The following GPC6 variants were observed in gnomAD, a reference collection of about 807,000 sequenced individuals.
GPC6 encodes glypican-6.
In GPC6, 14 loss-of-function variants were observed where a neutral mutation model predicts 55.2. The ratio of observed to expected loss-of-function variants is 0.25; its 90% confidence interval spans 0.17 to 0.40. The LOEUF (loss-of-function observed/expected upper bound fraction) is 0.40, where lower values mean the gene tolerates loss of function less well. GPC6 is among the 10% of genes least tolerant of loss of function. The pLI, the probability that GPC6 is intolerant of heterozygous loss-of-function variation, is 1.00. For synonymous variants in GPC6, 278 were observed against 259.6 expected (o/e 1.07, Z -0.68); for missense variants, 641 against 708.5 (o/e 0.90, Z 1.08).
chr13:94,007,353 A>C (rs1281870225), intron 3 of GPC6, among the ~76,000 whole-genome samples: 2 of 152,228 alleles, frequency 1.3e-5, no homozygotes, highest in Non-Finnish European at 2.9e-5. Flanking sequence ...TGAAGACAGC[A>C]GGAGGAATCG....
chr13:93,670,705 T>C (rs1176390146), intron 2 of GPC6, among the ~76,000 whole-genome samples: 2 of 152,216 alleles, frequency 1.3e-5, no homozygotes, highest in Non-Finnish European at 2.9e-5. Context: ...TAATAAATGC[T>C]TCAGAAGACT....
intron 1 of GPC6, among the ~76,000 whole-genome samples, chr13:93,446,266 G>A (rs1408054288): frequency 6.6e-6 from 1 of 152,130 alleles, no homozygotes; most frequent in African/African-American, 2.4e-5. Context: ...GCTCAGAGAT[G>A]TGATTAGAAC....
intron 1 of GPC6, among the ~76,000 whole-genome samples, chr13:93,348,050 A>G (rs1880489293): frequency 6.6e-6 from 1 of 152,158 alleles, no homozygotes; most frequent in Non-Finnish European, 1.5e-5. Context: ...ATTTTTCACC[A>G]TGGAACTATT....
At chr13:93,564,688 T>C (rs992823998) in intron 2 of GPC6, among the ~76,000 whole-genome samples, 8 of 152,174 alleles carry the variant, frequency 5.3e-5, no homozygotes, top group African/African-American at 1.4e-4. Context: ...ACTTTTTACC[T>C]TCTATGAAGT....
chr13:93,899,445 G>GA lies in GPC6; in HGVS notation c.711+68913dup, dbSNP rs796917504. Among the ~76,000 whole-genome samples, 831 of 136,930 alleles carry GA rather than the reference G, an allele frequency of 6.1e-3. 5 individuals carry two copies. Among genetic ancestry groups the GA allele is most frequent in the African/African-American group, 0.016 (599 of 37,480 alleles). 89.8% of individuals were successfully genotyped at this position (136,930 alleles called of 152,430 possible). A position where few individuals can be genotyped will look rare whatever the true frequency, so the allele number is the denominator to read the frequency against. On this transcript the variant is annotated intron_variant, in intron 3 of 8. Transcript: ENST00000377047. ...GGTAAGAAGACATAGTTGGATGAAG[G>GA]AAAAAAAAAAAAAGAGGAAATTCCA...
At chr13:93,257,672 G>T (rs1219613821) in intron 1 of GPC6, among the ~76,000 whole-genome samples, 1 of 152,144 alleles carries the variant, frequency 6.6e-6, no homozygotes, top group Non-Finnish European at 1.5e-5. Flanking sequence ...TTTTACAGAT[G>T]AGGAAACTGA....
chr13:94,345,566 A>C (rs1878246461), intron 6 of GPC6, among the ~76,000 whole-genome samples: 1 of 152,138 alleles, frequency 6.6e-6, no homozygotes, highest in South Asian at 2.1e-4. Context: ...CTTCTCTAAA[A>C]GGGGCATAGT....
intron 4 of GPC6, among the ~76,000 whole-genome samples, chr13:94,118,723 G>A (rs1886521084): frequency 6.6e-6 from 1 of 152,056 alleles, no homozygotes; most frequent in Admixed American, 6.6e-5. Context: ...TCTTGAACTA[G>A]TTTAAGTTCC....
At chr13:94,344,733 A>C (rs907468893) in intron 6 of GPC6, among the ~76,000 whole-genome samples, 1 of 152,246 alleles carries the variant, frequency 6.6e-6, no homozygotes, top group African/African-American at 2.4e-5. Flanking sequence ...CACTGACACT[A>C]TCTGCAACTA....
intron 6 of GPC6, among the ~76,000 whole-genome samples, chr13:94,375,553 T>C (rs867174158): frequency 0.017 from 2,657 of 152,022 alleles, 34 homozygotes; most frequent in Middle Eastern, 0.031. Flanking sequence ...GTGGCAATAA[T>C]CAATAGCTTA....
At chr13:93,895,332 G>A (rs979899776) in intron 3 of GPC6, among the ~76,000 whole-genome samples, 2 of 148,610 alleles carry the variant, frequency 1.3e-5, no homozygotes, top group African/African-American at 2.5e-5. Context: ...TTGAGTCTGT[G>A]CTGGGCAATC....
chr13:94,201,200 G>A (rs1048270317), intron 4 of GPC6, among the ~76,000 whole-genome samples: 9 of 152,172 alleles, frequency 5.9e-5, no homozygotes, highest in Non-Finnish European at 2.9e-5. Flanking sequence ...CAGGGACAGA[G>A]ATATCAAGAA....
intron 4 of GPC6, among the ~76,000 whole-genome samples, chr13:94,240,204 A>T (rs771294978): frequency 4.6e-5 from 7 of 152,008 alleles, no homozygotes; most frequent in Non-Finnish European, 1.0e-4. Flanking sequence ...GCTGGATTTC[A>T]CCCCCTCCTC....
intron 1 of GPC6, among the ~76,000 whole-genome samples, chr13:93,318,499 C>T (rs573197429): frequency 6.6e-6 from 1 of 152,138 alleles, no homozygotes; most frequent in South Asian, 2.1e-4. Context: ...ATGTTTATCT[C>T]TATACCCTCC....
At chr13:93,344,119 A>G (rs1485251640) in intron 1 of GPC6, among the ~76,000 whole-genome samples, 2 of 152,204 alleles carry the variant, frequency 1.3e-5, no homozygotes, top group Non-Finnish European at 2.9e-5. Context: ...ATGTGGAAAT[A>G]ACCCACCTCC....
At chr13:93,938,482 T>C (rs545539965) in intron 3 of GPC6, among the ~76,000 whole-genome samples, 84 of 152,246 alleles carry the variant, frequency 5.5e-4, no homozygotes, top group African/African-American at 2.0e-3. Flanking sequence ...ATTAATTGTT[T>C]AAAAAGAGAA....
At chr13:93,870,078 T>A (rs1463553476) in intron 3 of GPC6, among the ~76,000 whole-genome samples, 1 of 151,880 alleles carries the variant, frequency 6.6e-6, no homozygotes, top group African/African-American at 2.4e-5. Flanking sequence ...AATCCTTAAC[T>A]GCCTCCCAAG....
intron 1 of GPC6, among the ~76,000 whole-genome samples, chr13:93,537,549 C>CAT (rs140750386): frequency 0.18 from 27,311 of 151,850 alleles, 2,823 homozygotes; most frequent in East Asian, 0.3. Flanking sequence ...TGTGTTTACA[C>CAT]GTGGAGCTTT....
chr13:93,359,147 A>G (rs550287744), intron 1 of GPC6, among the ~76,000 whole-genome samples: 4 of 151,956 alleles, frequency 2.6e-5, no homozygotes, highest in East Asian at 3.9e-4. Flanking sequence ...TAAATTTTTT[A>G]TAGAGGCTGG....
Sources: gnomAD v4.1 joint callset for allele counts (sites outside exome capture counted in the v4.1 genomes callset) on GRCh38, gnomAD v4.1.1 for gene constraint, MANE v1.5 for transcripts, NCBI Gene and HGNC (gene_info 2026-07-23, HGNC 2026-07-21) for gene names.